Variants in ATP10B observed in about 807,000 individuals in gnomAD.
The protein encoded by ATP10B is ATPase phospholipid transporting 10B (putative).
Under a neutral mutation model 141.2 loss-of-function variants are expected in ATP10B, and 122 were observed. The observed-to-expected ratio is 0.86, with a 90% CI of 0.75 to 1.00. The LOEUF (loss-of-function observed/expected upper bound fraction) is 1.00. Among genes scored for constraint, ATP10B ranks in the 50% least tolerant of loss-of-function variants. The pLI is 0.00. For synonymous variants in ATP10B, 685 were observed against 692.0 expected (o/e 0.99, Z 0.16); for missense variants, 1,876 against 1,825.3 (o/e 1.03, Z -0.51).
chr5:160,779,446 G>A (rs1315880435), intron 2 of ATP10B, among the ~76,000 whole-genome samples: 1 of 152,164 alleles, frequency 6.6e-6, no homozygotes, highest in Admixed American at 6.5e-5. Flanking sequence ...CTCTTCTTGT[G>A]TATATGCCCT....
chr5:160,757,035 A>G (rs1768671113), intron 2 of ATP10B, among the ~76,000 whole-genome samples: 1 of 152,066 alleles, frequency 6.6e-6, no homozygotes, highest in Non-Finnish European at 1.5e-5. Flanking sequence ...CAAGGTCACT[A>G]ACTTTTTTTT....
the ATP10B span, among the ~76,000 whole-genome samples, chr5:160,917,478 G>A: frequency 1.3e-5 from 2 of 152,166 alleles, no homozygotes; most frequent in African/African-American, 4.8e-5. Flanking sequence ...TGGAACAAAC[G>A]CTTTGGGGTG....
At chr5:160,641,785 AC>A (rs771102512) in intron 9 of ATP10B, among the ~76,000 whole-genome samples, 25 of 152,352 alleles carry the variant, frequency 1.6e-4, no homozygotes, top group Non-Finnish European at 3.2e-4. Flanking sequence ...ATTGAAGAAA[AC>A]CAATACATCA....
At chr5:160,885,622 A>G in the ATP10B span, among the ~76,000 whole-genome samples, 1 of 152,306 alleles carries the variant, frequency 6.6e-6, no homozygotes. Flanking sequence ...ATGAGAGAGA[A>G]AAAACATGGC....
chr5:160,611,565 T>C (rs967320167), intron 18 of ATP10B, among the ~76,000 whole-genome samples: 3 of 152,226 alleles, frequency 2.0e-5, no homozygotes, highest in Non-Finnish European at 4.4e-5. Context: ...GACAGGAAAG[T>C]AAATGATTTT....
chr5:160,792,356 A>G (rs893391500), intron 1 of ATP10B, among the ~76,000 whole-genome samples: 1 of 152,190 alleles, frequency 6.6e-6, no homozygotes, highest in African/African-American at 2.4e-5. Flanking sequence ...TTTTAGAAAT[A>G]AACCCTCTTC....
At chr5:160,579,405 A>G (rs185929714) in intron 24 of ATP10B, among the ~76,000 whole-genome samples, 55 of 152,320 alleles carry the variant, frequency 3.6e-4, no homozygotes, top group African/African-American at 1.2e-3. Context: ...TTTTCCCAAC[A>G]CCATTTATTA....
At chr5:160,922,870 C>T in the ATP10B span, among the ~76,000 whole-genome samples, 2 of 152,354 alleles carry the variant, frequency 1.3e-5, no homozygotes, top group Admixed American at 1.3e-4. Flanking sequence ...GCCCATTCAG[C>T]TGTCCCCACA....
intron 3 of ATP10B, among the ~76,000 whole-genome samples, chr5:160,698,149 A>G (rs1000509358): frequency 2.0e-5 from 3 of 152,086 alleles, no homozygotes. Context: ...TAGGTATTTC[A>G]ACTTTAACAT....
At chr5:160,596,277 A>G (rs1318318900) in intron 22 of ATP10B, among the ~76,000 whole-genome samples, 1 of 152,212 alleles carries the variant, frequency 6.6e-6, no homozygotes, top group East Asian at 1.9e-4. Context: ...TATAAACAGA[A>G]CCAAAGACAA....
chr5:160,864,100 C>T, the ATP10B span, among the ~76,000 whole-genome samples: 2 of 151,906 alleles, frequency 1.3e-5, no homozygotes, highest in Non-Finnish European at 1.5e-5. Context: ...AAATCAGTAT[C>T]ACCCTAATGC....
At chr5:160,875,158 GA>G in the ATP10B span, among the ~76,000 whole-genome samples, 1 of 124,318 alleles carries the variant, frequency 8.0e-6, no homozygotes, top group Non-Finnish European at 1.8e-5. Context: ...CCCTCAAAGG[GA>G]AGCCCATCAC....
the ATP10B span, among the ~76,000 whole-genome samples, chr5:160,915,336 CTT>C: frequency 2.8e-5 from 4 of 145,126 alleles, no homozygotes; most frequent in East Asian, 2.0e-4. Flanking sequence ...AGCACACTGA[CTT>C]TTTTTTTTTT....
the ATP10B span, among the ~76,000 whole-genome samples, chr5:160,911,156 G>T: frequency 7.9e-5 from 12 of 152,180 alleles, no homozygotes; most frequent in Admixed American, 2.0e-4. Context: ...GTTTCTTCTG[G>T]TGCCTTTGGT....
intron 1 of ATP10B, among the ~76,000 whole-genome samples, chr5:160,829,476 C>T (rs1774908237): frequency 6.6e-6 from 1 of 151,898 alleles, no homozygotes. Context: ...AGTTTAGAAT[C>T]GTTTTTTCCT....
chr5:160,793,262 C>A (rs1771715881), intron 1 of ATP10B, among the ~76,000 whole-genome samples: 1 of 151,546 alleles, frequency 6.6e-6, no homozygotes, highest in Non-Finnish European at 1.5e-5. Flanking sequence ...GCTGAGCATG[C>A]ATTTCCTAGC....
chr5:160,660,592 G>A (rs1190413277), intron 7 of ATP10B, among the ~76,000 whole-genome samples: 3 of 152,260 alleles, frequency 2.0e-5, no homozygotes, highest in Admixed American at 6.5e-5. Context: ...AATACTTCAC[G>A]AAGGGAAATT....
At chr5:160,798,024 G>A (rs1319498921) in intron 1 of ATP10B, among the ~76,000 whole-genome samples, 2 of 152,118 alleles carry the variant, frequency 1.3e-5, no homozygotes, top group Non-Finnish European at 2.9e-5. Flanking sequence ...CTTAGATAAG[G>A]TGGGCAAGGG....
intron 24 of ATP10B, among the ~76,000 whole-genome samples, chr5:160,577,737 GT>G (rs1489971270): frequency 6.6e-6 from 1 of 151,976 alleles, no homozygotes; most frequent in African/African-American, 2.4e-5. Context: ...TAGGTTTTAT[GT>G]GGCTACCTGT....
Sources: allele counts gnomAD v4.1 joint callset (sites outside exome capture counted in the v4.1 genomes callset), GRCh38; gene constraint gnomAD v4.1.1; transcripts MANE v1.5; gene names NCBI Gene and HGNC (gene_info 2026-07-23, HGNC 2026-07-21).